Variants in NUCKS1 observed in about 807,000 individuals in gnomAD.
The protein encoded by NUCKS1 is nuclear ubiquitous casein and cyclin-dependent kinase substrate 1.
In NUCKS1, 2 loss-of-function variants were observed where a neutral mutation model predicts 33.0. The ratio of observed to expected loss-of-function variants is 0.06; its 90% CI spans 0.02 to 0.19. The LOEUF is 0.19. Ranked by LOEUF, NUCKS1 falls within the 10% of genes least tolerant of loss-of-function variation. The pLI is 1.00. For missense variants in NUCKS1, 201 were observed against 293.6 expected (o/e 0.68, Z 2.31); for synonymous variants, 106 against 102.8 (o/e 1.03, Z -0.19).
chr1:205,736,236 G>A (rs1654031919), intron 1 of NUCKS1, among the ~76,000 whole-genome samples: 1 of 152,146 alleles, frequency 6.6e-6, no homozygotes, highest in South Asian at 2.1e-4. Context: ...ACAAGCATGA[G>A]CCACCACATC....
intron 1 of NUCKS1, among the ~76,000 whole-genome samples, chr1:205,733,484 A>G (rs1442735329): frequency 6.6e-6 from 1 of 152,186 alleles, no homozygotes; most frequent in Non-Finnish European, 1.5e-5. Flanking sequence ...TGTACTAGGA[A>G]TCCTGGGTTC....
intron 1 of NUCKS1, among the ~76,000 whole-genome samples, chr1:205,739,575 C>T (rs1211308950): frequency 5.3e-5 from 8 of 152,108 alleles, no homozygotes; most frequent in Non-Finnish European, 8.8e-5. Flanking sequence ...TGGGCTCAAG[C>T]GATCTTCCCA....
intron 1 of NUCKS1, among the ~76,000 whole-genome samples, chr1:205,747,982 T>C (rs1654372633): frequency 2.0e-5 from 3 of 152,030 alleles, no homozygotes; most frequent in Middle Eastern, 3.4e-3. Flanking sequence ...AAATTAATAA[T>C]TTGAAAATGG....
chr1:205,717,795 T>C lies in NUCKS1; in HGVS notation c.*485A>G. ...AACTCATATTAGATGACAATTGATT[T>C]TTTAAAAGTCCAGGTAGAGAAAGGA... On this transcript the variant is annotated 3_prime_UTR_variant, in exon 7 of 7. Coordinates refer to ENST00000367142, the MANE Select transcript of NUCKS1 (RefSeq NM_022731.5). 1.0e-6 allele frequency: 1 copy of C among 985,370 alleles called. No homozygotes were observed. 61.0% of individuals were successfully genotyped at this position (985,370 alleles called of 1,614,324 possible). A position where few individuals can be genotyped will look rare whatever the true frequency, so the allele number is the denominator to read the frequency against.
chr1:205,723,992 A>G lies in NUCKS1; in HGVS notation c.174-11T>C, dbSNP rs373161908. ...TCTTCTGAGTCCTCACTATAAAGGG[A>G]GGCAAAAAAGCAAATGCATAAAAGT... On this transcript the variant is annotated splice_polypyrimidine_tract_variant and intron_variant, in intron 3 of 6. Coordinates refer to ENST00000367142, the MANE Select transcript of NUCKS1 (RefSeq NM_022731.5). The G allele has an allele frequency of 1.6e-5, 26 of 1,606,192 alleles. No homozygotes were observed. The highest frequency in any genetic ancestry group is 2.0e-5 in the Non-Finnish European group (24 of 1,173,070).
chr1:205,743,266 C>A (rs1654226472), intron 1 of NUCKS1, among the ~76,000 whole-genome samples: 1 of 152,128 alleles, frequency 6.6e-6, no homozygotes, highest in Admixed American at 6.5e-5. Flanking sequence ...CTGGAGGAAG[C>A]CAGTGAGAAA....
rs1170038865 is a variant in NUCKS1 at position 205,715,684 on chromosome 1, C to G, written c.*2596G>C. 6.6e-6 allele frequency: 1 copy of G among 152,200 alleles called. No homozygotes were observed. The highest frequency in any genetic ancestry group is 1.5e-5 in the Non-Finnish European group (1 of 68,044). The allele number at this position is 152,200 out of a possible 1,614,324, so 9.4% of individuals were successfully genotyped here. ...CGTTGTAGAGGTAAACCTAGCAGAG[C>G]TAATACAAACAAGCACCTTCAAAGT... On this transcript the variant is annotated 3_prime_UTR_variant, in exon 7 of 7. Transcript: ENST00000367142.
chr1:205,748,200 T>C (rs1407486770), intron 1 of NUCKS1, among the ~76,000 whole-genome samples: 1 of 152,192 alleles, frequency 6.6e-6, no homozygotes, highest in Non-Finnish European at 1.5e-5. Context: ...GTAAAAATGT[T>C]CTGTTCATGT....
chr1:205,722,169 G>A (rs190458183), intron 4 of NUCKS1, among the ~76,000 whole-genome samples: 62 of 151,682 alleles, frequency 4.1e-4, no homozygotes, highest in African/African-American at 1.5e-3. Context: ...TGTGCCTCCT[G>A]GGTTCAAGCT....
chr1:205,738,145 C>G (rs1477166753), intron 1 of NUCKS1, among the ~76,000 whole-genome samples: 1 of 152,106 alleles, frequency 6.6e-6, no homozygotes, highest in African/African-American at 2.4e-5. Flanking sequence ...CCTGCCTCAG[C>G]CTCCCCAATA....
intron 1 of NUCKS1, among the ~76,000 whole-genome samples, chr1:205,743,875 T>C (rs1317794297): frequency 2.0e-5 from 3 of 152,250 alleles, no homozygotes; most frequent in Non-Finnish European, 4.4e-5. Flanking sequence ...TTTAGCATTT[T>C]TGCATCCATA....
intron 5 of NUCKS1, 86 bp downstream of exon 5, chr1:205,720,415 A>C: frequency 7.3e-7 from 1 of 1,369,458 alleles, no homozygotes; most frequent in Non-Finnish European, 1.0e-6. Context: ...TGTAACATTT[A>C]GCATCCTAGA....
At chr1:205,735,720 C>A (rs750514655) in intron 1 of NUCKS1, among the ~76,000 whole-genome samples, 1 of 152,130 alleles carries the variant, frequency 6.6e-6, no homozygotes, top group Non-Finnish European at 1.5e-5. Flanking sequence ...AACATTTGTG[C>A]AAGGTATATA....
intron 1 of NUCKS1, among the ~76,000 whole-genome samples, chr1:205,733,162 T>C (rs1653957187): frequency 6.6e-6 from 1 of 152,190 alleles, no homozygotes; most frequent in Admixed American, 6.5e-5. Flanking sequence ...AACATATTAT[T>C]ACCCCATTTC....
intron 1 of NUCKS1, among the ~76,000 whole-genome samples, chr1:205,735,949 T>C (rs1022358140): frequency 6.9e-6 from 1 of 144,038 alleles, no homozygotes; most frequent in Non-Finnish European, 1.5e-5. Context: ...AAAATATCTC[T>C]TTTTTTTTTT....
intron 1 of NUCKS1, among the ~76,000 whole-genome samples, chr1:205,748,027 C>T (rs1356909286): frequency 6.7e-6 from 1 of 150,240 alleles, no homozygotes; most frequent in African/African-American, 2.4e-5. Context: ...AACATATTAA[C>T]TTCACTCTTC....
intron 1 of NUCKS1, among the ~76,000 whole-genome samples, chr1:205,740,392 C>A (rs1207983151): frequency 1.3e-5 from 2 of 151,914 alleles, no homozygotes; most frequent in Non-Finnish European, 2.9e-5. Flanking sequence ...GCAGAGATGG[C>A]AGGATTGCTT....
At chr1:205,730,592 G>A (rs61377167) in intron 1 of NUCKS1, among the ~76,000 whole-genome samples, 9 of 151,430 alleles carry the variant, frequency 5.9e-5, no homozygotes, top group East Asian at 2.0e-4. Context: ...AAGTTCAAGC[G>A]ATTCTCCTGC....
At chr1:205,737,954 G>A (rs1654069429) in intron 1 of NUCKS1, among the ~76,000 whole-genome samples, 1 of 152,214 alleles carries the variant, frequency 6.6e-6, no homozygotes, top group South Asian at 2.1e-4. Context: ...ATTTTAATGT[G>A]AAAAGCTTTG....
Sources: gnomAD v4.1 joint callset for allele counts (sites outside exome capture counted in the v4.1 genomes callset) on GRCh38, gnomAD v4.1.1 for gene constraint, MANE v1.5 for transcripts, NCBI Gene and HGNC (gene_info 2026-07-23, HGNC 2026-07-21) for gene names.